Variants in USP12 observed in about 807,000 individuals in gnomAD.
USP12 encodes the protein ubiquitin specific peptidase 12.
USP12 carries 19 observed loss-of-function variants against 45.5 expected under a neutral mutation model. The observed-to-expected ratio is 0.42, with a 90% CI of 0.29 to 0.61. USP12 has a LOEUF of 0.61. Among genes scored for constraint, USP12 ranks in the 20% least tolerant of loss-of-function variants. The pLI is 0.22. For synonymous variants in USP12, 149 were observed against 148.8 expected (o/e 1.00, Z -0.01); for missense variants, 242 against 447.7 (o/e 0.54, Z 4.15).
intron 1 of USP12, among the ~76,000 whole-genome samples, chr13:27,130,535 C>T (rs931402887): frequency 1.4e-4 from 18 of 126,858 alleles, no homozygotes; most frequent in Admixed American, 6.1e-4. Context: ...TTCTCACACA[C>T]ACACAAAAAA....
chr13:27,089,927 C>T lies in USP12; in HGVS notation c.690G>A (p.Lys230=). The T allele has an allele frequency of 1.2e-6, 2 of 1,611,498 alleles. No individual in the cohort carries two copies. The highest frequency in any genetic ancestry group is 1.3e-5 in the African/African-American group (1 of 74,972). Residue 230 remains lysine (K), a synonymous_variant, in exon 6 of 9, where the codon AAG becomes AAA. Coordinates refer to ENST00000282344, the MANE Select transcript of USP12 (RefSeq NM_182488.4). Reference sequence around the variant, plus strand: ...TGCTGCGACACTCTTCACAGTAATACTTGTATTCACTGCACAGAGTTTCTG... The same window carrying T: ...TGCTGCGACACTCTTCACAGTAATATTTGTATTCACTGCACAGAGTTTCTG... ...SNTETLCSEY[K]YYCEECRSKQ...
intron 1 of USP12, among the ~76,000 whole-genome samples, chr13:27,126,501 T>C (rs1329636083): frequency 1.3e-5 from 2 of 152,184 alleles, no homozygotes; most frequent in African/African-American, 4.8e-5. Flanking sequence ...TTCATGTTGG[T>C]ACAATGAAAA....
At chr13:27,124,713 G>A (rs1423815383) in intron 1 of USP12, among the ~76,000 whole-genome samples, 2 of 152,182 alleles carry the variant, frequency 1.3e-5, no homozygotes, top group African/African-American at 2.4e-5. Context: ...CGGTGTGAAG[G>A]TATAAACACA....
chr13:27,149,551 A>G (rs1877476976), intron 1 of USP12, among the ~76,000 whole-genome samples: 2 of 152,234 alleles, frequency 1.3e-5, no homozygotes, highest in African/African-American at 2.4e-5. Flanking sequence ...AAATTAATAC[A>G]TAGCCATCAA....
intron 8 of USP12, among the ~76,000 whole-genome samples, chr13:27,070,286 C>T (rs894075493): frequency 2.0e-5 from 3 of 152,070 alleles, no homozygotes; most frequent in African/African-American, 4.8e-5. Flanking sequence ...TAGCAGGCTC[C>T]AGGAGGGTAG....
In USP12 at chr13:27,078,256, A is replaced by T. The variant is rs117608473; in HGVS notation, c.735-2868T>A. On this transcript the variant is annotated intron_variant, in intron 6 of 8. Coordinates refer to ENST00000282344, the MANE Select transcript of USP12 (RefSeq NM_182488.4). The stretch of plus-strand genomic sequence containing the variant: ...TAAAAAGACAAAAATAATACCATTT[A>T]AAAAAATACAGTGTAACAACTACTT... Among the ~76,000 whole-genome samples the T allele has an allele frequency of 7.1e-3, 1,085 of 152,236 alleles. 19 individuals are homozygous for T. Among genetic ancestry groups the T allele is most frequent in the East Asian group, 0.054 (282 of 5,178 alleles).
intron 1 of USP12, among the ~76,000 whole-genome samples, chr13:27,146,852 A>T (rs187248562): frequency 6.6e-6 from 1 of 152,336 alleles, no homozygotes; most frequent in Admixed American, 6.5e-5. Context: ...TCAAGTTAAA[A>T]TGAGGTCATG....
At chr13:27,081,687 G>C (rs1565983088) in intron 6 of USP12, among the ~76,000 whole-genome samples, 1 of 152,136 alleles carries the variant, frequency 6.6e-6, no homozygotes, top group Non-Finnish European at 1.5e-5. Flanking sequence ...TCAATCTATG[G>C]CAGCTGTAGA....
intron 1 of USP12, among the ~76,000 whole-genome samples, chr13:27,164,423 A>G: frequency 6.6e-6 from 1 of 152,352 alleles, no homozygotes; most frequent in Non-Finnish European, 1.5e-5. Flanking sequence ...TACTGTTTAG[A>G]AGAAGCTAAT....
intron 1 of USP12, among the ~76,000 whole-genome samples, chr13:27,163,558 G>A (rs1878209553): frequency 1.3e-5 from 2 of 151,720 alleles, no homozygotes; most frequent in East Asian, 1.9e-4. Context: ...TGTTTTATAC[G>A]TCCATCCTCT....
At chr13:27,070,955 C>T (rs1873222789) in intron 8 of USP12, 116 bp downstream of exon 8, 1 of 838,002 alleles carries the variant, frequency 1.2e-6, no homozygotes. Context: ...ATCTATAGAC[C>T]CAGACATTTG....
chr13:27,104,558 T>TA (rs1875037618), intron 3 of USP12, among the ~76,000 whole-genome samples: 1 of 152,222 alleles, frequency 6.6e-6, no homozygotes, highest in Non-Finnish European at 1.5e-5. Flanking sequence ...TACATACGTT[T>TA]AGCTTTCATT....
At chr13:27,167,123 G>A (rs903275747) in intron 1 of USP12, among the ~76,000 whole-genome samples, 5 of 152,204 alleles carry the variant, frequency 3.3e-5, no homozygotes, top group African/African-American at 9.6e-5. Context: ...TTAGCTGGGC[G>A]TGGTGGCACA....
At chr13:27,134,505 A>G (rs1035889003) in intron 1 of USP12, among the ~76,000 whole-genome samples, 1 of 152,202 alleles carries the variant, frequency 6.6e-6, no homozygotes, top group African/African-American at 2.4e-5. Context: ...AATCTGTCAG[A>G]AAAGAGAAGA....
chr13:27,077,505 G>A (rs1873545131), intron 6 of USP12: 1 of 152,138 alleles, frequency 6.6e-6, no homozygotes, highest in Admixed American at 6.5e-5. Context: ...GATACAATAT[G>A]TTTAATAAGA....
intron 7 of USP12, among the ~76,000 whole-genome samples, chr13:27,071,738 C>G (rs1452408613): frequency 1.3e-5 from 2 of 152,142 alleles, no homozygotes. Context: ...ATAACTATGA[C>G]TATGATTGCC....
intron 1 of USP12, among the ~76,000 whole-genome samples, chr13:27,155,360 T>C (rs565629953): frequency 6.8e-4 from 103 of 152,142 alleles, no homozygotes; most frequent in African/African-American, 2.4e-3. Flanking sequence ...GGATCACAGG[T>C]GTGAGCCACT....
chr13:27,079,219 C>T (rs200006991), intron 6 of USP12, among the ~76,000 whole-genome samples: 6 of 14,292 alleles, frequency 4.2e-4, no homozygotes, highest in African/African-American at 7.7e-4. Flanking sequence ...CTGTGTGGGG[C>T]GGGGGGGAGT....
At chr13:27,078,423 C>T (rs933588906) in intron 6 of USP12, among the ~76,000 whole-genome samples, 1 of 150,082 alleles carries the variant, frequency 6.7e-6, no homozygotes, top group African/African-American at 2.4e-5. Flanking sequence ...CCAACTGATA[C>T]GGAGCATAAC....
Sources: gnomAD v4.1 joint callset for allele counts (sites outside exome capture counted in the v4.1 genomes callset) on GRCh38, gnomAD v4.1.1 for gene constraint, MANE v1.5 for transcripts, NCBI Gene and HGNC (gene_info 2026-07-23, HGNC 2026-07-21) for gene names.